The following DCTN4 variants were observed in gnomAD, a reference collection of about 807,000 sequenced individuals.
The protein encoded by DCTN4 is dynactin subunit 4, also known as dynactin 4 (p62).
A neutral mutation model predicts 62.7 loss-of-function variants in DCTN4; 23 were observed. That is an observed-to-expected ratio of 0.37 (90% CI 0.26 to 0.52). The LOEUF is 0.52. Among genes scored for constraint, DCTN4 ranks in the 20% least tolerant of loss-of-function variants. The pLI is 0.92. For synonymous variants in DCTN4, 199 were observed against 202.1 expected, an observed-to-expected ratio of 0.98 and a Z score of 0.13; for missense variants, 514 against 580.4, an observed-to-expected ratio of 0.89 and a Z score of 1.18.
rs562506903 is a variant in DCTN4 at position 150,746,350 on chromosome 5, A to G, written c.386-4193T>C. Among the ~76,000 whole-genome samples, 467 of 152,348 alleles carry G rather than the reference A, an allele frequency of 3.1e-3. 1 individual carries two copies. Among genetic ancestry groups the G allele is most frequent in the Non-Finnish European group, 5.6e-3 (381 of 68,036 alleles). On this transcript the variant is annotated intron_variant, in intron 3 of 12. Coordinates refer to ENST00000447998, the MANE Select transcript of DCTN4 (RefSeq NM_016221.4). ...CCAGATGGAATCATAGCCAAATTCT[A>G]CCAGACGTACAAGGAGGAACTGGTA...
chr5:150,731,092 C>G lies in DCTN4; in HGVS notation c.676G>C (p.Glu226Gln). ...IEPAQAVDEV[E>Q]PLPEDYYTRP... is the part of the protein sequence containing the mutation. The stretch of plus-strand genomic sequence containing the variant: ...GTATAATAGTCTTCAGGTAGAGGTT[C>G]CACTTCATCCACAGCCTGAGCTGGC... Residue 226 changes from glutamate to glutamine, a missense_variant, in exon 7 of 13, where the codon GAA becomes CAA. Glu to Gln is a conservative substitution (Grantham distance 29, BLOSUM62 2). Coordinates refer to ENST00000447998, the MANE Select transcript of DCTN4 (RefSeq NM_016221.4). 1 of 1,612,632 alleles carries G rather than the reference C, an allele frequency of 6.2e-7. No homozygotes were observed. The highest frequency in any genetic ancestry group is 2.2e-5 in the East Asian group (1 of 44,864).
At chr5:150,722,642 T>C (rs1195832949) in intron 9 of DCTN4, among the ~76,000 whole-genome samples, 1 of 152,206 alleles carries the variant, frequency 6.6e-6, no homozygotes, top group Non-Finnish European at 1.5e-5. Context: ...GACTAGTGAC[T>C]TTCCACCAAA....
intron 4 of DCTN4, chr5:150,734,422 G>T (rs1035475306): frequency 6.6e-6 from 1 of 152,190 alleles, no homozygotes; most frequent in East Asian, 1.9e-4. Flanking sequence ...AAAATTTAGA[G>T]AGCCGAGTGA....
Position 150,722,970 on chromosome 5 carries a change from T to C in DCTN4, c.845A>G (p.His282Arg), listed in dbSNP as rs1561692192. 2.5e-6 allele frequency: 4 copies of C among 1,610,666 alleles called. No individual in the cohort carries two copies. The South Asian group carries it at 3.3e-5, about 13-fold the overall frequency. ...GTTAAATTCTGGCTTGCTCAAATTA[T>C]GTTCACATTTCTAAAAAGAAAACAA... Reference protein sequence around the residue: ...KRSLRCRKCEHNLSKPEFNPT... With the variant: ...KRSLRCRKCERNLSKPEFNPT... The change falls in exon 9 of 13, where the codon CAT (histidine) becomes CGT (arginine). Residue 282 changes from histidine (H) to arginine (R), a missense_variant. Physicochemically the swap from His to Arg is conservative, Grantham distance 29 (BLOSUM62 0). Coordinates refer to ENST00000447998, the MANE Select transcript of DCTN4 (RefSeq NM_016221.4).
chr5:150,750,331 G>A (rs1314174851), intron 3 of DCTN4, among the ~76,000 whole-genome samples: 5 of 152,156 alleles, frequency 3.3e-5, no homozygotes, highest in Non-Finnish European at 5.9e-5. Context: ...AAAGTACTAA[G>A]AGCTGACAAG....
At chr5:150,755,446 A>C in intron 2 of DCTN4, 1 of 448,436 alleles carries the variant, frequency 2.2e-6, no homozygotes, top group Middle Eastern at 3.3e-4. Context: ...ACACTAGCTC[A>C]AGCCAGATAA....
chr5:150,734,577 G>C (rs1282360455), intron 4 of DCTN4: 1 of 152,266 alleles, frequency 6.6e-6, no homozygotes, highest in Non-Finnish European at 1.5e-5. Context: ...GGACCACTTG[G>C]AGACAGAAAC....
At chr5:150,725,030 C>T (rs531636082) in intron 8 of DCTN4, among the ~76,000 whole-genome samples, 12 of 151,402 alleles carry the variant, frequency 7.9e-5, no homozygotes, top group Admixed American at 3.3e-4. Context: ...TAGTGGCGGG[C>T]GCCTGTAGTC....
In DCTN4 at chr5:150,711,051, A is replaced by T. The variant is rs1379986983; in HGVS notation, c.*98T>A. On this transcript the variant is annotated 3_prime_UTR_variant, in exon 13 of 13. Transcript: ENST00000447998. The stretch of plus-strand genomic sequence containing the variant: ...ATAGAATTCCGTAGTGCATGGGTAC[A>T]TCGTTATAAACAAGGCCTAATGAAG... The T allele has an allele frequency of 1.7e-6, 2 of 1,169,548 alleles. No individual in the cohort carries two copies. Among genetic ancestry groups the T allele is most frequent in the African/African-American group, 3.0e-5 (2 of 65,620 alleles). 72.4% of individuals were successfully genotyped at this position (1,169,548 alleles called of 1,614,324 possible). A position where few individuals can be genotyped will look rare whatever the true frequency, so the allele number is the denominator to read the frequency against.
chr5:150,713,494 A>G (rs1176031568), intron 12 of DCTN4, among the ~76,000 whole-genome samples: 21 of 134,918 alleles, frequency 1.6e-4, no homozygotes, highest in Admixed American at 1.2e-3. Flanking sequence ...CCCAGGCTGG[A>G]GTGTAGTGGC....
chr5:150,721,622 T>C (rs555955641), intron 9 of DCTN4, among the ~76,000 whole-genome samples: 58 of 152,342 alleles, frequency 3.8e-4, no homozygotes, highest in African/African-American at 1.3e-3. Context: ...TATCTTCTGG[T>C]CATTTGAAAT....
At chr5:150,718,411 A>T (rs1759846655) in intron 10 of DCTN4, 28 bp from the exon 11 acceptor site, 1 of 1,525,988 alleles carries the variant, frequency 6.6e-7, no homozygotes, top group African/African-American at 1.4e-5. Context: ...CATCTCTCAG[A>T]CATTCGCCAC....
intron 4 of DCTN4, among the ~76,000 whole-genome samples, chr5:150,739,310 A>T (rs1434513083): frequency 6.6e-6 from 1 of 152,192 alleles, no homozygotes; most frequent in Admixed American, 6.5e-5. Context: ...AACCCTGTTT[A>T]CAACAGCCGC....
In DCTN4 at chr5:150,746,242, C is replaced by G. The variant is rs185702340; in HGVS notation, c.386-4085G>C. Among the ~76,000 whole-genome samples, 378 of 152,204 alleles carry G rather than the reference C, an allele frequency of 2.5e-3. 9 individuals carry two copies. Among genetic ancestry groups the G allele is most frequent in the Admixed American group, 0.016 (251 of 15,280 alleles). On this transcript the variant is annotated intron_variant, in intron 3 of 12. Transcript: ENST00000447998. ...ATATACTCTCCCAAGACTAAACCAG[C>G]AAGAAGTTGAATCTCTGAATAGACC...
At chr5:150,729,042 C>CT (rs61106544) in intron 8 of DCTN4, among the ~76,000 whole-genome samples, 1,046 of 52,092 alleles carry the variant, frequency 0.02, 288 homozygotes, top group Admixed American at 0.026. Context: ...ACCACACTGG[C>CT]TTTTTTTTTT....
At chr5:150,724,319 C>A (rs1760062445) in intron 8 of DCTN4, among the ~76,000 whole-genome samples, 1 of 152,062 alleles carries the variant, frequency 6.6e-6, no homozygotes, top group African/African-American at 2.4e-5. Flanking sequence ...TATTTCCTTG[C>A]CGATTTGCTG....
intron 8 of DCTN4, among the ~76,000 whole-genome samples, chr5:150,728,261 A>C (rs1372203814): frequency 6.6e-6 from 1 of 152,210 alleles, no homozygotes; most frequent in South Asian, 2.1e-4. Context: ...ACTTTCTTTT[A>C]ACTGAAAAAG....
intron 3 of DCTN4, among the ~76,000 whole-genome samples, chr5:150,749,643 C>T (rs1752598477): frequency 6.7e-6 from 1 of 150,218 alleles, no homozygotes. Flanking sequence ...TGGAGAAACC[C>T]CATCTCTACT....
rs566114298 is a variant in DCTN4 at position 150,755,255 on chromosome 5, G to A, written c.206+1162C>T. Among the ~76,000 whole-genome samples the A allele has an allele frequency of 2.0e-5, 3 of 152,250 alleles. No individual in the cohort carries two copies. In the South Asian group the frequency reaches 6.2e-4, roughly 32 times the overall value. ...TTTAAAAAACAAATAAACAAGAGGA[G>A]AAGAGACAGATCTTCCATGCAAAAG... On this transcript the variant is annotated intron_variant, in intron 2 of 12. Transcript: ENST00000447998.
Sources: allele counts gnomAD v4.1 joint callset (sites outside exome capture counted in the v4.1 genomes callset), GRCh38; gene constraint gnomAD v4.1.1; transcripts MANE v1.5; gene names NCBI Gene and HGNC (gene_info 2026-07-23, HGNC 2026-07-21).